MRAS: variants seen among roughly 807,000 people sequenced by gnomAD.
MRAS encodes muscle RAS oncogene homolog, also known as ras-related protein M-Ras.
In MRAS, 4 loss-of-function variants were observed where a neutral mutation model predicts 20.9. That is an observed-to-expected ratio of 0.19 (90% CI 0.09 to 0.44). The LOEUF (loss-of-function observed/expected upper bound fraction) is 0.44. Ranked by LOEUF, MRAS falls within the 20% of genes least tolerant of loss-of-function variation. MRAS has a pLI of 0.99. For missense variants in MRAS, 154 were observed against 277.5 expected (o/e 0.56, Z 3.16); for synonymous variants, 98 against 102.9 (o/e 0.95, Z 0.29).
At chr3:138,385,486 G>A (rs999714739) in intron 2 of MRAS, among the ~76,000 whole-genome samples, 2 of 149,672 alleles carry the variant, frequency 1.3e-5, no homozygotes, top group Non-Finnish European at 3.0e-5. Flanking sequence ...TTGTATTTTT[G>A]AGTTTTAAAA....
chr3:138,362,599 T>G (rs903885148), intron 1 of MRAS, among the ~76,000 whole-genome samples: 1 of 152,150 alleles, frequency 6.6e-6, no homozygotes, highest in African/African-American at 2.4e-5. Flanking sequence ...GGGGCCCTGT[T>G]TGGTTAGGCA....
chr3:138,374,690 T>C (rs1404299407), intron 2 of MRAS, among the ~76,000 whole-genome samples: 1 of 152,236 alleles, frequency 6.6e-6, no homozygotes, highest in African/African-American at 2.4e-5. Context: ...TCTTTAGCAT[T>C]AAGTATGATG....
chr3:138,356,546 A>G (rs1174213232), intron 1 of MRAS, among the ~76,000 whole-genome samples: 1 of 152,176 alleles, frequency 6.6e-6, no homozygotes, highest in Non-Finnish European at 1.5e-5. Flanking sequence ...CAAGGAGGAG[A>G]CAGGCAAAGC....
chr3:138,357,703 C>T (rs78913968), intron 1 of MRAS, among the ~76,000 whole-genome samples: 5,840 of 152,302 alleles, frequency 0.038, 372 homozygotes, highest in African/African-American at 0.13. Context: ...CCACTTTGCC[C>T]CATGTGCATA....
intron 3 of MRAS, among the ~76,000 whole-genome samples, chr3:138,398,128 A>T (rs2055279806): frequency 6.6e-6 from 1 of 152,180 alleles, no homozygotes; most frequent in African/African-American, 2.4e-5. Context: ...GCTGGGAGCC[A>T]TCCTAATTGT....
chr3:138,387,585 GA>G (rs929340390), intron 2 of MRAS, among the ~76,000 whole-genome samples: 1 of 152,202 alleles, frequency 6.6e-6, no homozygotes, highest in Non-Finnish European at 1.5e-5. Context: ...TGGCCTCCCA[GA>G]GGGGTTGCAA....
At chr3:138,381,236 T>A (rs946548740) in intron 2 of MRAS, among the ~76,000 whole-genome samples, 1 of 152,218 alleles carries the variant, frequency 6.6e-6, no homozygotes, top group Non-Finnish European at 1.5e-5. Context: ...CTGCTTTCCT[T>A]CTTTCGTCTT....
chr3:138,353,989 C>T (rs1352476675), intron 1 of MRAS, among the ~76,000 whole-genome samples: 2 of 152,104 alleles, frequency 1.3e-5, no homozygotes, highest in Non-Finnish European at 2.9e-5. Flanking sequence ...GTCATGATCC[C>T]TTCTCTCCTG....
rs1385330675 is a variant in MRAS at position 138,384,660 on chromosome 3, A to G, written c.193+11584A>G. Among the ~76,000 whole-genome samples the G allele has an allele frequency of 5.3e-5, 8 of 152,032 alleles. No individual in the cohort carries two copies. In the South Asian group the frequency reaches 6.2e-4, roughly 12 times the overall value. ...GATATCTAAGCCTGTAGGAGGGGAG[A>G]CCTGTGGGCTGGATAGAAATCTGGG... On this transcript the variant is annotated intron_variant, in intron 2 of 5. Transcript: ENST00000423968.
At chr3:138,392,601 A>G (rs12488305) in intron 2 of MRAS, among the ~76,000 whole-genome samples, 1,664 of 152,210 alleles carry the variant, frequency 0.011, 62 homozygotes, top group East Asian at 0.062. Flanking sequence ...CCGATTATAA[A>G]TACTCTGTCT....
intron 2 of MRAS, among the ~76,000 whole-genome samples, chr3:138,388,863 C>T (rs2055070533): frequency 6.6e-6 from 1 of 151,984 alleles, no homozygotes; most frequent in Non-Finnish European, 1.5e-5. Context: ...TTTTTTGAGA[C>T]AGAGTTTCAC....
chr3:138,398,433 G>GA lies in MRAS; in HGVS notation c.348-33dup. Reference sequence around the variant, plus strand: ...CCTTAACCAGGTGTGAGGGGTGGTGGAAACCTCACAGAGCTGCTGTTCCTT... The same window carrying GA: ...CCTTAACCAGGTGTGAGGGGTGGTGGAAAACCTCACAGAGCTGCTGTTCCTT... On this transcript the variant is annotated intron_variant, in intron 3 of 5. Coordinates refer to ENST00000423968, the MANE Select transcript of MRAS (RefSeq NM_001085049.3). 3 of 1,575,864 alleles carry GA rather than the reference G, an allele frequency of 1.9e-6. No individual in the cohort carries two copies. In the South Asian group the frequency reaches 3.3e-5, roughly 17 times the overall value.
chr3:138,399,303 C>T, intron 4 of MRAS, among the ~76,000 whole-genome samples: 1 of 152,246 alleles, frequency 6.6e-6, no homozygotes, highest in East Asian at 1.9e-4. Context: ...GAAAGCCAAA[C>T]AGCCCATAAT....
Position 138,404,203 on chromosome 3 carries a change from A to G in MRAS, c.*1934A>G, listed in dbSNP as rs948587019. 1 of 152,280 alleles carries G rather than the reference A, an allele frequency of 6.6e-6. No homozygotes were observed. Among genetic ancestry groups the G allele is most frequent in the South Asian group, 2.1e-4 (1 of 4,834 alleles). The allele number at this position is 152,280 out of a possible 1,614,324, so 9.4% of individuals were successfully genotyped here. A position where few individuals can be genotyped will look rare whatever the true frequency, so the allele number is the denominator to read the frequency against. ...GTATCTGCAGCAGTTTGTTGTGTGCAGTTTGATGGCAGCTGCAAACTGGAG... is the reference window on the plus strand; with the variant it reads ...GTATCTGCAGCAGTTTGTTGTGTGCGGTTTGATGGCAGCTGCAAACTGGAG... On this transcript the variant is annotated 3_prime_UTR_variant, in exon 6 of 6. Coordinates refer to ENST00000423968, the MANE Select transcript of MRAS (RefSeq NM_001085049.3).
intron 1 of MRAS, among the ~76,000 whole-genome samples, chr3:138,370,964 T>C (rs1412901354): frequency 3.3e-5 from 5 of 152,184 alleles, no homozygotes; most frequent in Non-Finnish European, 7.3e-5. Context: ...AGTGAATATC[T>C]TCCTTTTAAA....
At chr3:138,372,408 A>G (rs1455629760) in intron 1 of MRAS, among the ~76,000 whole-genome samples, 1 of 152,168 alleles carries the variant, frequency 6.6e-6, no homozygotes, top group South Asian at 2.1e-4. Flanking sequence ...GTGCTAAGCT[A>G]TCATGGCCCC....
chr3:138,367,764 G>A (rs549034167), intron 1 of MRAS, among the ~76,000 whole-genome samples: 19 of 152,326 alleles, frequency 1.2e-4, no homozygotes, highest in African/African-American at 2.6e-4. Flanking sequence ...TCTTGTCCTC[G>A]TGGAGCTTAC....
chr3:138,354,949 T>G (rs1344533298), intron 1 of MRAS, among the ~76,000 whole-genome samples: 1 of 152,000 alleles, frequency 6.6e-6, no homozygotes, highest in African/African-American at 2.4e-5. Flanking sequence ...CCCATCTAAT[T>G]TAAAAAAATT....
intron 1 of MRAS, among the ~76,000 whole-genome samples, chr3:138,354,148 G>T (rs1338585329): frequency 1.3e-5 from 2 of 152,216 alleles, no homozygotes; most frequent in South Asian, 2.1e-4. Context: ...GCAAAGAGAG[G>T]CAGCGAGTCC....
Sources: gnomAD v4.1 joint callset for allele counts (sites outside exome capture counted in the v4.1 genomes callset) on GRCh38, gnomAD v4.1.1 for gene constraint, MANE v1.5 for transcripts, NCBI Gene and HGNC (gene_info 2026-07-23, HGNC 2026-07-21) for gene names.